GRM1: variants seen among roughly 807,000 people sequenced by gnomAD.
GRM1 encodes metabotropic glutamate receptor 1.
In GRM1, 33 loss-of-function variants were observed where a neutral mutation model predicts 90.9. The observed-to-expected ratio is 0.36, with a 90% CI of 0.28 to 0.49. The LOEUF (loss-of-function observed/expected upper bound fraction) is 0.49. Among genes scored for constraint, GRM1 ranks in the 20% least tolerant of loss-of-function variants. GRM1 has a pLI of 0.99. For missense variants in GRM1, 1,190 were observed against 1,534.3 expected, an observed-to-expected ratio of 0.78 and a Z score of 3.75; for synonymous variants, 700 against 613.2, an observed-to-expected ratio of 1.14 and a Z score of -2.09.
intron 1 of GRM1, among the ~76,000 whole-genome samples, chr6:146,139,889 T>TCCCTC: frequency 9.0e-6 from 1 of 110,682 alleles, no homozygotes; most frequent in Non-Finnish European, 1.8e-5. Flanking sequence ...TCCCTTCCCT[T>TCCCTC]CCCTTCCCTT....
At chr6:146,145,909 T>C (rs1018981366) in intron 1 of GRM1, among the ~76,000 whole-genome samples, 2 of 151,920 alleles carry the variant, frequency 1.3e-5, no homozygotes, top group African/African-American at 4.8e-5. Flanking sequence ...TCCTAGGTCT[T>C]GGGGGCCCAA....
chr6:146,209,179 T>G (rs552922103), intron 2 of GRM1, among the ~76,000 whole-genome samples: 2 of 152,220 alleles, frequency 1.3e-5, no homozygotes, highest in South Asian at 4.1e-4. Context: ...ATCCTTTAGA[T>G]CCAAATCCTA....
chr6:146,133,063 C>A (rs986293204), intron 1 of GRM1, among the ~76,000 whole-genome samples: 8 of 152,166 alleles, frequency 5.3e-5, no homozygotes, highest in African/African-American at 1.9e-4. Context: ...TATCATCTCT[C>A]TGAAATGAGT....
intron 2 of GRM1, among the ~76,000 whole-genome samples, chr6:146,216,481 C>T (rs900274406): frequency 6.6e-6 from 1 of 152,154 alleles, no homozygotes; most frequent in Non-Finnish European, 1.5e-5. Context: ...ACATTGTCAT[C>T]TTCTTTTGAA....
At chr6:146,260,447 T>C (rs1313745479) in intron 2 of GRM1, among the ~76,000 whole-genome samples, 2 of 152,174 alleles carry the variant, frequency 1.3e-5, no homozygotes, top group African/African-American at 4.8e-5. Context: ...TTGTGAATAG[T>C]GGTGCAATAA....
chr6:146,047,840 A>G (rs1193548708), intron 1 of GRM1, among the ~76,000 whole-genome samples: 4 of 152,012 alleles, frequency 2.6e-5, no homozygotes, highest in Admixed American at 2.6e-4. Context: ...GAATGGTTAT[A>G]ACCTAGAATG....
chr6:146,165,848 A>C (rs1777885788), intron 2 of GRM1, among the ~76,000 whole-genome samples: 1 of 152,102 alleles, frequency 6.6e-6, no homozygotes. Context: ...GATTTCCATA[A>C]CAACTGAGGA....
intron 2 of GRM1, among the ~76,000 whole-genome samples, chr6:146,278,507 A>G (rs1174235901): frequency 6.6e-6 from 1 of 152,140 alleles, no homozygotes; most frequent in Non-Finnish European, 1.5e-5. Flanking sequence ...TGGGCGTGAT[A>G]GCTCACTCCT....
chr6:146,410,497 T>C (rs1163019930), intron 7 of GRM1, among the ~76,000 whole-genome samples: 1 of 152,076 alleles, frequency 6.6e-6, no homozygotes, highest in East Asian at 1.9e-4. Flanking sequence ...AGTTTGAGTG[T>C]AGGGGAGTAG....
At chr6:146,212,832 C>A (rs1036555799) in intron 2 of GRM1, among the ~76,000 whole-genome samples, 15 of 152,034 alleles carry the variant, frequency 9.9e-5, no homozygotes, top group African/African-American at 3.6e-4. Flanking sequence ...TATATATACA[C>A]CCAACTGATA....
At chr6:146,347,707 C>A (rs1785232761) in intron 3 of GRM1, among the ~76,000 whole-genome samples, 1 of 152,132 alleles carries the variant, frequency 6.6e-6, no homozygotes, top group South Asian at 2.1e-4. Flanking sequence ...CATACCATGA[C>A]CTGGGCAGCA....
intron 3 of GRM1, among the ~76,000 whole-genome samples, chr6:146,345,987 C>T (rs1252294968): frequency 2.0e-5 from 3 of 152,214 alleles, no homozygotes; most frequent in African/African-American, 7.2e-5. Context: ...ATAATAACAG[C>T]AAAGGCACAC....
At chr6:146,134,313 A>G (rs1401132732) in intron 1 of GRM1, among the ~76,000 whole-genome samples, 2 of 152,230 alleles carry the variant, frequency 1.3e-5, no homozygotes, top group African/African-American at 4.8e-5. Context: ...ATGAATGTAA[A>G]GGGCTTAATT....
chr6:146,362,895 G>C (rs1490382802), intron 5 of GRM1, among the ~76,000 whole-genome samples: 1 of 151,936 alleles, frequency 6.6e-6, no homozygotes, highest in African/African-American at 2.4e-5. Flanking sequence ...CAAAGCAAAG[G>C]GAACATGATC....
intron 1 of GRM1, among the ~76,000 whole-genome samples, chr6:146,154,859 A>T (rs1777464490): frequency 6.6e-6 from 1 of 152,228 alleles, no homozygotes; most frequent in East Asian, 1.9e-4. Context: ...CCAACACTGA[A>T]TATTATTAAT....
chr6:146,341,206 A>G (rs1784969010), intron 3 of GRM1, among the ~76,000 whole-genome samples: 1 of 152,112 alleles, frequency 6.6e-6, no homozygotes, highest in Non-Finnish European at 1.5e-5. Flanking sequence ...AGGTATGACT[A>G]ACTATGGTCT....
chr6:146,034,864 A>G (rs74440610), intron 1 of GRM1, among the ~76,000 whole-genome samples: 6,025 of 152,056 alleles, frequency 0.04, 388 homozygotes, highest in African/African-American at 0.13. Context: ...GTAAAGATTT[A>G]CTGCATAAAA....
At chr6:146,423,465 AT>A (rs3065806) in intron 7 of GRM1, among the ~76,000 whole-genome samples, 74,902 of 145,122 alleles carry the variant, frequency 0.52, 18,695 homozygotes, top group South Asian at 0.62. Context: ...GAGATGCTCT[AT>A]TTTTTTTTTT....
chr6:146,223,878 T>C lies in GRM1; in HGVS notation c.950+64281T>C, dbSNP rs555103600. On this transcript the variant is annotated intron_variant, in intron 2 of 7. Transcript: ENST00000282753. ...ATCACAAGAAAGTGAGTTTTAATTT[T>C]AAATATTTTAAATATGAATATCATA... Among the ~76,000 whole-genome samples the C allele has an allele frequency of 2.0e-5, 3 of 152,250 alleles. No individual in the cohort carries two copies. In the East Asian group the frequency reaches 5.8e-4, roughly 29 times the overall value.
Sources: gnomAD v4.1 joint callset for allele counts (sites outside exome capture counted in the v4.1 genomes callset) on GRCh38, gnomAD v4.1.1 for gene constraint, MANE v1.5 for transcripts, NCBI Gene and HGNC (gene_info 2026-07-23, HGNC 2026-07-21) for gene names.